Variants in SULF1 observed in about 807,000 individuals in gnomAD.
The protein encoded by SULF1 is extracellular sulfatase Sulf-1.
SULF1 carries 46 observed loss-of-function variants against 110.5 expected under a neutral mutation model. The observed-to-expected ratio is 0.42, with a 90% CI of 0.33 to 0.53. The LOEUF (loss-of-function observed/expected upper bound fraction) is 0.53, where lower values mean the gene tolerates loss of function less well. SULF1 is among the 20% of genes least tolerant of loss of function. The pLI, the probability that SULF1 is intolerant of heterozygous loss-of-function variation, is 0.12. For missense variants in SULF1, 941 were observed against 1,094.2 expected (o/e 0.86, Z 1.98); for synonymous variants, 371 against 387.1 (o/e 0.96, Z 0.49).
intron 3 of SULF1, among the ~76,000 whole-genome samples, chr8:69,503,805 T>C (rs1335982048): frequency 2.0e-5 from 3 of 152,170 alleles, no homozygotes; most frequent in Non-Finnish European, 4.4e-5. Context: ...TTCCTTTTTT[T>C]TTTCTTTTCA....
At chr8:69,558,252 G>C (rs1815245841) in intron 3 of SULF1, among the ~76,000 whole-genome samples, 1 of 152,202 alleles carries the variant, frequency 6.6e-6, no homozygotes. Flanking sequence ...GTGGGTACCA[G>C]CTTCTTGCTG....
chr8:69,566,061 C>T lies in SULF1; in HGVS notation c.172+1914C>T, dbSNP rs571111778. Among the ~76,000 whole-genome samples the T allele has an allele frequency of 6.5e-4, 99 of 152,160 alleles. 1 individual carries two copies. Among genetic ancestry groups the T allele is most frequent in the African/African-American group, 1.9e-3 (78 of 41,512 alleles). ...ATTGATGGAACTTTCCTTTGCACCC[C>T]GAGAACACGACTCCAGCATGGTGCT... On this transcript the variant is annotated intron_variant, in intron 5 of 22. Transcript: ENST00000402687.
chr8:69,651,639 T>A (rs1018687966), intron 22 of SULF1, among the ~76,000 whole-genome samples: 2 of 152,198 alleles, frequency 1.3e-5, no homozygotes, highest in African/African-American at 4.8e-5. Context: ...TCTCTTTAGA[T>A]CTATTAAATT....
At chr8:69,489,180 A>G (rs1238811470), upstream of SULF1, among the ~76,000 whole-genome samples, 3 of 152,212 alleles carry the variant, frequency 2.0e-5, no homozygotes, top group Non-Finnish European at 4.4e-5. Flanking sequence ...ACCGACTTAT[A>G]TGAGACTCAT....
At chr8:69,508,374 A>C (rs960496781) in intron 3 of SULF1, among the ~76,000 whole-genome samples, 2 of 152,204 alleles carry the variant, frequency 1.3e-5, no homozygotes, top group African/African-American at 4.8e-5. Flanking sequence ...CAAAATGCTG[A>C]GGTTACAGGC....
In SULF1 at chr8:69,629,563, G is replaced by A. The variant is rs759502219; in HGVS notation, c.2168G>A (p.Arg723Lys). The change falls in exon 19 of 23, where the codon AGG becomes AAG. Residue 723 changes from arginine (R) to lysine (K), a missense_variant. Arg to Lys is a conservative substitution (Grantham distance 26, BLOSUM62 2). Coordinates refer to ENST00000402687, the MANE Select transcript of SULF1 (RefSeq NM_001128205.2). ...LQLFKENNRR[R>K]KKERKEKRRQ... ...CTTTTCAAGGAGAACAACCGTAGGAGGAAGAAGGAGAGGAAGGAGAAGAGA... is the reference window on the plus strand; with the variant it reads ...CTTTTCAAGGAGAACAACCGTAGGAAGAAGAAGGAGAGGAAGGAGAAGAGA... 13 of 1,613,960 alleles carry A rather than the reference G, an allele frequency of 8.1e-6. No homozygotes were observed. Among genetic ancestry groups the A allele is most frequent in the Non-Finnish European group, 1.1e-5 (13 of 1,179,952 alleles).
At position 69,604,911 on chromosome 8, in the gene SULF1, A is replaced by G; in HGVS notation, c.1356A>G (p.Thr452=). ...TATGCCAGCAGGCCAGGTACCAGACAGCCTGTGAACAACCGGGGCAGGTGA... is the reference window on the plus strand; with the variant it reads ...TATGCCAGCAGGCCAGGTACCAGACGGCCTGTGAACAACCGGGGCAGGTGA... The part of the protein sequence containing the change: ...KELCQQARYQ[T]ACEQPGQKWQ... Residue 452 remains threonine, a synonymous_variant, in exon 13 of 23, where the codon ACA becomes ACG. Coordinates refer to ENST00000402687, the MANE Select transcript of SULF1 (RefSeq NM_001128205.2). 1 of 1,614,236 alleles carries G rather than the reference A, an allele frequency of 6.2e-7. No homozygotes were observed. The highest frequency in any genetic ancestry group is 8.5e-7 in the Non-Finnish European group (1 of 1,180,030).
intron 22 of SULF1, among the ~76,000 whole-genome samples, chr8:69,650,878 A>G (rs1812283544): frequency 6.6e-6 from 1 of 152,074 alleles, no homozygotes; most frequent in South Asian, 2.1e-4. Flanking sequence ...ACATTTGGAA[A>G]CAGCCATTTC....
chr8:69,646,350 T>C (rs889779467), intron 22 of SULF1, among the ~76,000 whole-genome samples: 4 of 152,168 alleles, frequency 2.6e-5, no homozygotes, highest in African/African-American at 9.7e-5. Flanking sequence ...GGTCCAGCGC[T>C]CTTCTGAATG....
chr8:69,510,804 A>G (rs1043086059), intron 3 of SULF1, among the ~76,000 whole-genome samples: 9 of 151,884 alleles, frequency 5.9e-5, no homozygotes, highest in African/African-American at 1.9e-4. Context: ...TTTAGTAGAG[A>G]TGGGGTTTTG....
chr8:69,651,180 G>A (rs774214017), intron 22 of SULF1, among the ~76,000 whole-genome samples: 6 of 151,126 alleles, frequency 4.0e-5, no homozygotes, highest in Non-Finnish European at 7.4e-5. Flanking sequence ...CCCCTCCCGA[G>A]TAGCTGGGAT....
At chr8:69,614,243 T>C (rs1808901831) in intron 13 of SULF1, among the ~76,000 whole-genome samples, 1 of 152,248 alleles carries the variant, frequency 6.6e-6, no homozygotes, top group Non-Finnish European at 1.5e-5. Context: ...GTGATAGAGC[T>C]GGTGTTCAAA....
rs1231619221 is a variant in SULF1 at position 69,642,480 on chromosome 8, C to T, written c.2585+1639C>T. 16 of 809,556 alleles carry T rather than the reference C, an allele frequency of 2.0e-5. No homozygotes were observed. In the South Asian group the frequency reaches 7.3e-4, roughly 37 times the overall value. 50.1% of individuals were successfully genotyped at this position (809,556 alleles called of 1,614,324 possible). On this transcript the variant is annotated intron_variant, in intron 22 of 22. Transcript: ENST00000402687. ...TCTGCCCCACACCAACCCTGTGTCA[C>T]TCCCAGCACACATAAGACAGAGCAG... is the stretch of plus-strand genomic sequence containing the variant.
At chr8:69,626,896 G>T (rs1453403183) in intron 15 of SULF1, among the ~76,000 whole-genome samples, 1 of 152,252 alleles carries the variant, frequency 6.6e-6, no homozygotes, top group Admixed American at 6.5e-5. Flanking sequence ...CACTGGCCTT[G>T]GCCAGCTCAG....
At chr8:69,485,671 C>G (rs1360425031) in intron 1 of SULF1, among the ~76,000 whole-genome samples, 2 of 152,198 alleles carry the variant, frequency 1.3e-5, no homozygotes, top group African/African-American at 4.8e-5. Context: ...TGTCCAGGGT[C>G]CTAGTCCCCA....
chr8:69,619,931 G>T (rs895638972), intron 13 of SULF1, among the ~76,000 whole-genome samples: 1 of 152,148 alleles, frequency 6.6e-6, no homozygotes, highest in Non-Finnish European at 1.5e-5. Context: ...CCAGTTCAAT[G>T]GACCCTCTGC....
intron 3 of SULF1, among the ~76,000 whole-genome samples, chr8:69,535,571 G>C (rs1813378677): frequency 6.6e-6 from 1 of 152,134 alleles, no homozygotes; most frequent in African/African-American, 2.4e-5. Context: ...AAGGCAAATA[G>C]GGCCTCTAGC....
At chr8:69,491,696 G>A (rs527791837), upstream of SULF1, among the ~76,000 whole-genome samples, 1 of 152,304 alleles carries the variant, frequency 6.6e-6, no homozygotes, top group Admixed American at 6.5e-5. Context: ...TCTCACCTAT[G>A]CCCATATAGC....
In SULF1 at chr8:69,628,249, C is replaced by T. The variant is rs1354473088; in HGVS notation, c.2108+13C>T. ...TTCACCCATTCAAGTAAGTAACTCT[C>T]TGTTTTCCACATTTGCTGGGAGTCA... On this transcript the variant is annotated intron_variant, in intron 18 of 22. Transcript: ENST00000402687. The T allele has an allele frequency of 6.2e-7, 1 of 1,611,070 alleles. No homozygotes were observed. Among genetic ancestry groups the T allele is most frequent in the Non-Finnish European group, 8.5e-7 (1 of 1,177,468 alleles).
Sources: allele counts gnomAD v4.1 joint callset (sites outside exome capture counted in the v4.1 genomes callset), GRCh38; gene constraint gnomAD v4.1.1; transcripts MANE v1.5; gene names NCBI Gene and HGNC (gene_info 2026-07-23, HGNC 2026-07-21).